Variants in CDKAL1 observed in about 807,000 individuals in gnomAD.
CDKAL1 encodes the protein threonylcarbamoyladenosine tRNA methylthiotransferase.
In CDKAL1, 32 loss-of-function variants were observed where a neutral mutation model predicts 68.2. The observed-to-expected ratio is 0.47, with a 90% CI of 0.35 to 0.63. The LOEUF is 0.63. CDKAL1 is among the 30% of genes least tolerant of loss of function. The pLI, the probability that CDKAL1 is intolerant of heterozygous loss-of-function variation, is 0.00. For missense variants in CDKAL1, 606 were observed against 696.7 expected (o/e 0.87, Z 1.47); for synonymous variants, 234 against 244.3 (o/e 0.96, Z 0.39).
chr6:20,642,991 C>G (rs4235999), intron 4 of CDKAL1, among the ~76,000 whole-genome samples: 59,143 of 151,952 alleles, frequency 0.39, 12,054 homozygotes, highest in Admixed American at 0.48. Context: ...ATCTGTCTAG[C>G]CTGAAGTTTG....
intron 11 of CDKAL1, among the ~76,000 whole-genome samples, chr6:21,020,891 G>A (rs962802835): frequency 2.0e-5 from 3 of 150,342 alleles, no homozygotes; most frequent in Admixed American, 1.3e-4. Context: ...CATTACAGAT[G>A]TGTGTGTGTG....
At chr6:21,079,974 C>CTGTGTGTG (rs1206773584) in intron 12 of CDKAL1, among the ~76,000 whole-genome samples, 2 of 20,438 alleles carry the variant, frequency 9.8e-5, no homozygotes, top group East Asian at 3.1e-3. Context: ...TCAACTTTGT[C>CTGTGTGTG]TCTGTGTGTG....
chr6:20,926,401 T>C (rs1386866626), intron 9 of CDKAL1, among the ~76,000 whole-genome samples: 1 of 151,888 alleles, frequency 6.6e-6, no homozygotes, highest in Non-Finnish European at 1.5e-5. Flanking sequence ...TCAGTGAAAA[T>C]GGTTAAAAAA....
chr6:20,738,566 G>C (rs1167334684), intron 5 of CDKAL1, among the ~76,000 whole-genome samples: 3 of 147,964 alleles, frequency 2.0e-5, no homozygotes, highest in African/African-American at 7.5e-5. Context: ...ATCATTGGTG[G>C]TGCTCACCAC....
chr6:20,803,383 A>G (rs956081232), intron 8 of CDKAL1, among the ~76,000 whole-genome samples: 8 of 152,202 alleles, frequency 5.3e-5, no homozygotes, highest in African/African-American at 1.7e-4. Flanking sequence ...TGCTTAGCCA[A>G]CTATAGTCAT....
intron 12 of CDKAL1, among the ~76,000 whole-genome samples, chr6:21,092,225 C>CG (rs972692900): frequency 2.5e-4 from 4 of 15,998 alleles, no homozygotes; most frequent in Admixed American, 6.7e-4. Flanking sequence ...TTTTCTGGGT[C>CG]GGGGGGGCGG....
At chr6:20,629,204 G>C (rs1022754740) in intron 4 of CDKAL1, among the ~76,000 whole-genome samples, 1 of 152,112 alleles carries the variant, frequency 6.6e-6, no homozygotes, top group African/African-American at 2.4e-5. Flanking sequence ...ATTGTGTCTT[G>C]ATTTGGCTTT....
intron 4 of CDKAL1, among the ~76,000 whole-genome samples, chr6:20,609,248 TTCTTCC>T (rs1420886807): frequency 8.3e-5 from 10 of 119,872 alleles, no homozygotes; most frequent in African/African-American, 3.9e-4. Context: ...TCCTTCCTTC[TTCTTCC>T]TCCTTCCTTC....
At chr6:20,795,858 T>C (rs1188988015) in intron 8 of CDKAL1, among the ~76,000 whole-genome samples, 1 of 152,200 alleles carries the variant, frequency 6.6e-6, no homozygotes, top group Non-Finnish European at 1.5e-5. Flanking sequence ...TTGTTAGGTC[T>C]GTGATGACAC....
At chr6:21,065,365 A>G (rs1490854073) in intron 12 of CDKAL1, 137 bp downstream of exon 12, 3 of 668,862 alleles carry the variant, frequency 4.5e-6, no homozygotes, top group East Asian at 6.1e-5. Flanking sequence ...AGTTGGGGTC[A>G]GGGGCCAGGG....
At chr6:20,877,007 A>G (rs1581746451) in intron 9 of CDKAL1, among the ~76,000 whole-genome samples, 1 of 152,338 alleles carries the variant, frequency 6.6e-6, no homozygotes, top group East Asian at 1.9e-4. Flanking sequence ...TATTTAACAC[A>G]TAGTATGTGC....
Position 20,683,478 on chromosome 6 carries a change from T to G in CDKAL1, c.371+34101T>G, listed in dbSNP as rs1243254523. Among the ~76,000 whole-genome samples the G allele has an allele frequency of 3.3e-5, 5 of 152,228 alleles. No individual in the cohort carries two copies. The East Asian group carries it at 9.6e-4, about 29-fold the overall frequency. On this transcript the variant is annotated intron_variant, in intron 5 of 15. Coordinates refer to ENST00000274695, the MANE Select transcript of CDKAL1 (RefSeq NM_017774.3). The stretch of plus-strand genomic sequence containing the variant: ...TCATTAGCAGAAAATTACTTATTGA[T>G]AGTGTCTTATCCTCTTCAAAATCGG...
intron 4 of CDKAL1, among the ~76,000 whole-genome samples, chr6:20,582,566 A>G (rs1765182788): frequency 6.6e-6 from 1 of 152,024 alleles, no homozygotes; most frequent in African/African-American, 2.4e-5. Context: ...ACAGTTTTCT[A>G]CGGTTCCATT....
At chr6:20,836,614 C>T (rs1273899570) in intron 8 of CDKAL1, among the ~76,000 whole-genome samples, 1 of 152,040 alleles carries the variant, frequency 6.6e-6, no homozygotes, top group Non-Finnish European at 1.5e-5. Context: ...GACGTATTTC[C>T]TCTGTTGAGA....
At chr6:20,962,585 A>G (rs1236950920) in intron 10 of CDKAL1, among the ~76,000 whole-genome samples, 3 of 152,202 alleles carry the variant, frequency 2.0e-5, no homozygotes, top group Non-Finnish European at 4.4e-5. Flanking sequence ...AGCAAACTCA[A>G]TACATGCTGT....
At chr6:20,555,668 G>A (rs1483264142) in intron 4 of CDKAL1, among the ~76,000 whole-genome samples, 1 of 137,666 alleles carries the variant, frequency 7.3e-6, no homozygotes, top group Admixed American at 7.7e-5. Context: ...TTTTGCCCAG[G>A]CCAGAGTGCA....
intron 5 of CDKAL1, among the ~76,000 whole-genome samples, chr6:20,667,885 GTGTA>G (rs1379047618): frequency 1.3e-5 from 2 of 151,820 alleles, no homozygotes; most frequent in African/African-American, 4.8e-5. Context: ...TACTTTTTTG[GTGTA>G]TGTGATTTTC....
At chr6:20,802,638 T>C (rs1278313098) in intron 8 of CDKAL1, among the ~76,000 whole-genome samples, 1 of 152,094 alleles carries the variant, frequency 6.6e-6, no homozygotes, top group Non-Finnish European at 1.5e-5. Context: ...GTTGGATGAT[T>C]GCAAAGGGGT....
chr6:20,848,921 T>C (rs1758847877), intron 9 of CDKAL1, among the ~76,000 whole-genome samples: 1 of 151,998 alleles, frequency 6.6e-6, no homozygotes, highest in African/African-American at 2.4e-5. Context: ...GCCTCCGCAG[T>C]AGTGGCGACT....
Sources: gnomAD v4.1 joint callset for allele counts (sites outside exome capture counted in the v4.1 genomes callset) on GRCh38, gnomAD v4.1.1 for gene constraint, MANE v1.5 for transcripts, NCBI Gene and HGNC (gene_info 2026-07-23, HGNC 2026-07-21) for gene names.